Variants in PTPRM observed in about 807,000 individuals in gnomAD.
PTPRM encodes the protein receptor-type tyrosine-protein phosphatase mu.
Under a neutral mutation model 186.7 loss-of-function variants are expected in PTPRM, and 47 were observed. That is an observed-to-expected ratio of 0.25 (90% CI 0.20 to 0.32). PTPRM has a LOEUF of 0.32. Among genes scored for constraint, PTPRM ranks in the 10% least tolerant of loss-of-function variants. The pLI, the probability that PTPRM is intolerant of heterozygous loss-of-function variation, is 1.00. For missense variants in PTPRM, 1,494 were observed against 1,865.0 expected (o/e 0.80, Z 3.66); for synonymous variants, 668 against 674.9 (o/e 0.99, Z 0.16).
intron 2 of PTPRM, among the ~76,000 whole-genome samples, chr18:7,818,407 T>C (rs2044972295): frequency 6.6e-6 from 1 of 152,182 alleles, no homozygotes; most frequent in African/African-American, 2.4e-5. Flanking sequence ...TCCTTCTTTG[T>C]GCCTCTTCCT....
At chr18:8,187,647 A>G (rs2093660204) in intron 14 of PTPRM, among the ~76,000 whole-genome samples, 1 of 152,208 alleles carries the variant, frequency 6.6e-6, no homozygotes, top group Non-Finnish European at 1.5e-5. Context: ...TAGCAAGAGT[A>G]GGTGAGAGCC....
chr18:8,322,010 C>A (rs1177519408), intron 22 of PTPRM, among the ~76,000 whole-genome samples: 1 of 152,114 alleles, frequency 6.6e-6, no homozygotes, highest in African/African-American at 2.4e-5. Context: ...AACATTAATA[C>A]CTCCAAGAGG....
rs147980837 is a variant in PTPRM, at chr18:8,054,896, G to A, written c.1133-14790G>A. Among the ~76,000 whole-genome samples the A allele has an allele frequency of 9.2e-5, 14 of 152,064 alleles. No individual in the cohort carries two copies. The East Asian group carries it at 1.9e-3, about 21-fold the overall frequency. The stretch of plus-strand genomic sequence containing the variant: ...GATCCTTGAATGATAGTTTTGCTAC[G>A]TATATAGTTCTAAGTTGACATATTC... On this transcript the variant is annotated intron_variant, in intron 7 of 32. Transcript: ENST00000580170.
chr18:7,999,939 A>G (rs1177531933), intron 7 of PTPRM, among the ~76,000 whole-genome samples: 1 of 152,152 alleles, frequency 6.6e-6, no homozygotes, highest in Non-Finnish European at 1.5e-5. Flanking sequence ...TAAAGGCAGC[A>G]GGCTCAAGAC....
At chr18:7,891,126 A>C (rs1433204915) in intron 3 of PTPRM, among the ~76,000 whole-genome samples, 2 of 151,736 alleles carry the variant, frequency 1.3e-5, no homozygotes, top group African/African-American at 2.4e-5. Context: ...AAAAAAAAAA[A>C]AACAACAAAA....
chr18:7,620,459 G>T (rs2037911156), intron 1 of PTPRM, among the ~76,000 whole-genome samples: 1 of 152,156 alleles, frequency 6.6e-6, no homozygotes. Flanking sequence ...ACAACTCTGT[G>T]TCCTAGAGTG....
intron 1 of PTPRM, among the ~76,000 whole-genome samples, chr18:7,604,652 A>T (rs1416475241): frequency 6.6e-6 from 1 of 152,214 alleles, no homozygotes; most frequent in Admixed American, 6.5e-5. Context: ...CAGATTTTAA[A>T]TTTTATTTTG....
intron 13 of PTPRM, among the ~76,000 whole-genome samples, chr18:8,126,027 A>T (rs112185192): frequency 0.44 from 30,363 of 68,664 alleles, 8,267 homozygotes; most frequent in East Asian, 0.63. Flanking sequence ...ATATATATAT[A>T]TTTTAAATCA....
intron 14 of PTPRM, among the ~76,000 whole-genome samples, chr18:8,229,181 G>A (rs1466163379): frequency 6.6e-6 from 1 of 152,072 alleles, no homozygotes; most frequent in Non-Finnish European, 1.5e-5. Context: ...AATGTTTGGT[G>A]AGCGCCTACC....
intron 20 of PTPRM, among the ~76,000 whole-genome samples, chr18:8,306,211 A>G (rs2095220362): frequency 6.6e-6 from 1 of 151,792 alleles, no homozygotes; most frequent in Non-Finnish European, 1.5e-5. Context: ...AATTTTTTTT[A>G]AGGGGAACTA....
chr18:8,328,914 A>G (rs1190425881), intron 22 of PTPRM, among the ~76,000 whole-genome samples: 1 of 152,270 alleles, frequency 6.6e-6, no homozygotes, highest in Non-Finnish European at 1.5e-5. Context: ...TGTGCTCTAA[A>G]TAAACTTGCT....
intron 1 of PTPRM, among the ~76,000 whole-genome samples, chr18:7,615,944 A>G (rs2037792785): frequency 6.6e-6 from 1 of 152,098 alleles, no homozygotes; most frequent in Non-Finnish European, 1.5e-5. Context: ...TCCCCCGCAT[A>G]CACAGTTCAC....
intron 1 of PTPRM, among the ~76,000 whole-genome samples, chr18:7,631,541 T>C (rs995841345): frequency 1.3e-5 from 2 of 151,898 alleles, no homozygotes; most frequent in African/African-American, 2.4e-5. Context: ...ATTTGGGAGA[T>C]AGATAATTGT....
At chr18:7,612,896 G>A (rs980742314) in intron 1 of PTPRM, among the ~76,000 whole-genome samples, 1 of 152,178 alleles carries the variant, frequency 6.6e-6, no homozygotes, top group East Asian at 1.9e-4. Context: ...GAGTAGAAGG[G>A]AGGGTTCCCT....
intron 1 of PTPRM, among the ~76,000 whole-genome samples, chr18:7,687,128 C>G (rs1010752273): frequency 6.6e-6 from 1 of 152,144 alleles, no homozygotes; most frequent in Non-Finnish European, 1.5e-5. Flanking sequence ...TTGGGAATGA[C>G]ACTGACCAGT....
At chr18:8,132,298 G>T (rs2092530525) in intron 13 of PTPRM, among the ~76,000 whole-genome samples, 2 of 152,210 alleles carry the variant, frequency 1.3e-5, no homozygotes, top group African/African-American at 4.8e-5. Flanking sequence ...TTTAGATATT[G>T]GTATATGTTT....
chr18:8,203,586 T>C (rs796735141), intron 14 of PTPRM, among the ~76,000 whole-genome samples: 3 of 152,334 alleles, frequency 2.0e-5, no homozygotes, highest in African/African-American at 7.2e-5. Context: ...AATGTTGTAT[T>C]TCTTGAGAGT....
At chr18:7,806,208 C>T (rs959058622) in intron 2 of PTPRM, among the ~76,000 whole-genome samples, 4 of 152,168 alleles carry the variant, frequency 2.6e-5, no homozygotes, top group African/African-American at 9.7e-5. Flanking sequence ...GAACCAAGCT[C>T]AGGAACTAAT....
At chr18:7,687,574 A>G (rs117638687) in intron 1 of PTPRM, among the ~76,000 whole-genome samples, 1 of 152,284 alleles carries the variant, frequency 6.6e-6, no homozygotes, top group Non-Finnish European at 1.5e-5. Context: ...ATTCACTAGA[A>G]TAATTTAAGT....
Sources: allele counts gnomAD v4.1 joint callset (sites outside exome capture counted in the v4.1 genomes callset), GRCh38; gene constraint gnomAD v4.1.1; transcripts MANE v1.5; gene names NCBI Gene and HGNC (gene_info 2026-07-23, HGNC 2026-07-21).